HPSE2: variants seen among roughly 807,000 people sequenced by gnomAD.
The protein encoded by HPSE2 is inactive heparanase-2.
Under a neutral mutation model 60.5 loss-of-function variants are expected in HPSE2, and 38 were observed. The ratio of observed to expected loss-of-function variants is 0.63; its 90% CI spans 0.48 to 0.82. The LOEUF (loss-of-function observed/expected upper bound fraction) is 0.82, where lower values mean the gene tolerates loss of function less well. HPSE2 is among the 40% of genes least tolerant of loss of function. HPSE2 has a pLI of 0.00. For missense variants in HPSE2, 713 were observed against 740.4 expected (o/e 0.96, Z 0.43); for synonymous variants, 295 against 293.2 (o/e 1.01, Z -0.06).
chr10:98,689,176 A>T (rs1025405713), intron 6 of HPSE2, among the ~76,000 whole-genome samples: 1 of 152,062 alleles, frequency 6.6e-6, no homozygotes, highest in African/African-American at 2.4e-5. Flanking sequence ...TAAAAAAAAA[A>T]TTTCTGCCAC....
intron 3 of HPSE2, among the ~76,000 whole-genome samples, chr10:99,072,218 C>T (rs1037712850): frequency 6.6e-6 from 1 of 152,014 alleles, no homozygotes; most frequent in Non-Finnish European, 1.5e-5. Context: ...CTACGCAATA[C>T]CATTCAGGAC....
chr10:98,978,339 G>A (rs934240932), intron 3 of HPSE2, among the ~76,000 whole-genome samples: 1 of 152,120 alleles, frequency 6.6e-6, no homozygotes. Context: ...AAGTCATAGA[G>A]AAGAGACTTG....
intron 6 of HPSE2, among the ~76,000 whole-genome samples, chr10:98,654,805 G>A (rs1947014709): frequency 6.6e-6 from 1 of 152,140 alleles, no homozygotes; most frequent in African/African-American, 2.4e-5. Context: ...GCTGAATTAG[G>A]TAATAGGAAC....
intron 3 of HPSE2, among the ~76,000 whole-genome samples, chr10:99,114,441 C>T (rs758823182): frequency 2.0e-5 from 3 of 152,182 alleles, no homozygotes; most frequent in Non-Finnish European, 2.9e-5. Context: ...ATTCAAAGGA[C>T]TTCTTCCTAC....
intron 2 of HPSE2, among the ~76,000 whole-genome samples, chr10:99,157,536 A>G (rs1361079376): frequency 7.9e-6 from 1 of 125,954 alleles, no homozygotes; most frequent in African/African-American, 2.6e-5. Flanking sequence ...TGCTGGGAAA[A>G]CTGGCTAGCC....
chr10:99,196,583 T>A (rs552774073), intron 2 of HPSE2, among the ~76,000 whole-genome samples: 5 of 152,160 alleles, frequency 3.3e-5, no homozygotes, highest in Admixed American at 1.3e-4. Context: ...AAATAAGACA[T>A]ACAAATAGCA....
chr10:99,141,337 C>A (rs2135770288), intron 3 of HPSE2, among the ~76,000 whole-genome samples: 1 of 152,240 alleles, frequency 6.6e-6, no homozygotes, highest in South Asian at 2.1e-4. Context: ...AGTTCCATCA[C>A]TGATGCTCTA....
At chr10:98,885,456 C>T (rs1217906845) in intron 3 of HPSE2, among the ~76,000 whole-genome samples, 1 of 152,102 alleles carries the variant, frequency 6.6e-6, no homozygotes, top group African/African-American at 2.4e-5. Flanking sequence ...AAAATGCTAT[C>T]AAGCAGCATC....
chr10:98,531,456 A>C (rs1414633758), intron 9 of HPSE2, among the ~76,000 whole-genome samples: 1 of 152,224 alleles, frequency 6.6e-6, no homozygotes, highest in Non-Finnish European at 1.5e-5. Flanking sequence ...GGTGTCTTCC[A>C]GCCATCCACA....
chr10:98,573,147 T>C (rs1944546784), intron 9 of HPSE2, among the ~76,000 whole-genome samples: 1 of 152,238 alleles, frequency 6.6e-6, no homozygotes, highest in African/African-American at 2.4e-5. Context: ...ATAGTGGCTC[T>C]TGTGAGGATT....
intron 2 of HPSE2, among the ~76,000 whole-genome samples, chr10:99,223,271 C>T (rs1219721465): frequency 6.6e-6 from 1 of 152,076 alleles, no homozygotes; most frequent in East Asian, 1.9e-4. Context: ...TGTATTAATG[C>T]ATGTATACTG....
At chr10:99,130,857 C>T (rs995165600) in intron 3 of HPSE2, among the ~76,000 whole-genome samples, 17 of 152,058 alleles carry the variant, frequency 1.1e-4, no homozygotes, top group African/African-American at 3.9e-4. Flanking sequence ...CTTGGATGTG[C>T]TGGGAGTCAG....
intron 5 of HPSE2, among the ~76,000 whole-genome samples, chr10:98,717,095 G>A (rs1948810005): frequency 6.6e-6 from 1 of 151,946 alleles, no homozygotes; most frequent in Non-Finnish European, 1.5e-5. Context: ...TTTATGTTAT[G>A]GATATAGTTT....
At chr10:98,565,538 G>C (rs983542331) in intron 9 of HPSE2, among the ~76,000 whole-genome samples, 1 of 152,144 alleles carries the variant, frequency 6.6e-6, no homozygotes, top group African/African-American at 2.4e-5. Flanking sequence ...AATATTCCAT[G>C]GTGCATATGT....
chr10:98,866,405 A>T (rs916597176), intron 3 of HPSE2, among the ~76,000 whole-genome samples: 1 of 152,124 alleles, frequency 6.6e-6, no homozygotes, highest in Admixed American at 6.6e-5. Context: ...CATAGAGATA[A>T]TTGGTGTCTT....
Position 99,176,807 on chromosome 10 carries a change from G to A in HPSE2, c.449-32408C>T, listed in dbSNP as rs1847543438. Among the ~76,000 whole-genome samples, 5 of 151,900 alleles carry A rather than the reference G, an allele frequency of 3.3e-5. No individual in the cohort carries two copies. In the South Asian group the frequency reaches 1.0e-3, roughly 32 times the overall value. ...ACTCCTTGAGGAGAGCAACCCCCAAGACACATAATGATCAGATTCACCAAG... is the reference window on the plus strand; with the variant it reads ...ACTCCTTGAGGAGAGCAACCCCCAAAACACATAATGATCAGATTCACCAAG... On this transcript the variant is annotated intron_variant, in intron 2 of 11. Coordinates refer to ENST00000370552, the MANE Select transcript of HPSE2 (RefSeq NM_021828.5).
chr10:98,904,392 G>C (rs186519945), intron 3 of HPSE2, among the ~76,000 whole-genome samples: 190 of 152,210 alleles, frequency 1.2e-3, no homozygotes, highest in Admixed American at 2.2e-3. Flanking sequence ...AAGAACACAG[G>C]CATGGTAGAA....
At chr10:98,958,464 T>C (rs1955564236) in intron 3 of HPSE2, among the ~76,000 whole-genome samples, 1 of 152,126 alleles carries the variant, frequency 6.6e-6, no homozygotes, top group African/African-American at 2.4e-5. Flanking sequence ...ATAATGATAA[T>C]GATTATTATG....
intron 3 of HPSE2, among the ~76,000 whole-genome samples, chr10:98,764,640 G>T (rs1381163350): frequency 6.6e-6 from 1 of 152,112 alleles, no homozygotes; most frequent in African/African-American, 2.4e-5. Context: ...GATCACTTGA[G>T]GTCAGAAGTT....
Sources: gnomAD v4.1 joint callset for allele counts (sites outside exome capture counted in the v4.1 genomes callset) on GRCh38, gnomAD v4.1.1 for gene constraint, MANE v1.5 for transcripts, NCBI Gene and HGNC (gene_info 2026-07-23, HGNC 2026-07-21) for gene names.